The following KIF7 variants were observed in gnomAD, a reference collection of about 807,000 sequenced individuals.
KIF7 encodes the protein kinesin-like protein KIF7.
Under a neutral mutation model 135.7 loss-of-function variants are expected in KIF7, and 104 were observed. That is an observed-to-expected ratio of 0.77 (90% CI 0.65 to 0.90). The LOEUF is 0.90. Among genes scored for constraint, KIF7 ranks in the 40% least tolerant of loss-of-function variants. KIF7 has a pLI of 0.00. For missense variants in KIF7, 2,005 were observed against 1,839.1 expected (o/e 1.09, Z -1.65); for synonymous variants, 883 against 809.4 (o/e 1.09, Z -1.54).
Position 89,633,865 on chromosome 15 carries a change from GCTT to G in KIF7, c.2410_2412del (p.Lys804del), listed in dbSNP as rs774141915. 5.0e-6 allele frequency: 8 copies of G among 1,613,798 alleles called. No individual in the cohort carries two copies. Among genetic ancestry groups the G allele is most frequent in the East Asian group, 4.5e-5 (2 of 44,884 alleles). ...AGTGACACCAGCCGCTCCGTAGCCTGCTTCTTCTCCTTCAGCACCTGGGACCCA... is the reference window on the plus strand; with the variant it reads ...AGTGACACCAGCCGCTCCGTAGCCTGCTTCTCCTTCAGCACCTGGGACCCA... On this transcript the variant is annotated inframe_deletion, in exon 12 of 19. Transcript: ENST00000394412.
At chr15:89,661,808 G>A in the KIF7 span, among the ~76,000 whole-genome samples, 3 of 151,254 alleles carry the variant, frequency 2.0e-5, no homozygotes, top group South Asian at 2.1e-4. Context: ...TGCAACCTCC[G>A]CCTTCTGGTT....
chr15:89,648,578 C>G lies in KIF7; in HGVS notation c.1120G>C (p.Gly374Arg). Residue 374 changes from glycine to arginine, a missense_variant, in exon 5 of 19, where the codon GGT (glycine) becomes CGT (arginine). Transcript: ENST00000394412. ...PPEETASGAR[G>R]PPRHRSETRI... ...GTCTCGGAGCGGTGCCGTGGCGGAC[C>G]CCGCGCGCCGCTCGCCGTCTCTTCG... The G allele has an allele frequency of 6.6e-7, 1 of 1,506,316 alleles. No individual in the cohort carries two copies. Among genetic ancestry groups the G allele is most frequent in the Non-Finnish European group, 8.9e-7 (1 of 1,129,632 alleles). 93.3% of individuals were successfully genotyped at this position (1,506,316 alleles called of 1,614,324 possible).
At position 89,630,267 on chromosome 15, in the gene KIF7, G is replaced by A. The variant is rs747994640; in HGVS notation, c.3318+20C>T. 1.3e-5 allele frequency: 21 copies of A among 1,610,524 alleles called. No homozygotes were observed. Among genetic ancestry groups the A allele is most frequent in the Admixed American group, 3.3e-5 (2 of 59,996 alleles). On this transcript the variant is annotated intron_variant, in intron 16 of 18. Transcript: ENST00000394412. The stretch of plus-strand genomic sequence containing the variant: ...CGTGCCGCTGAGGAGGAGCTGGGGG[G>A]CCATGGGCTGCTGGCCCACCTTGTC...
chr15:89,658,456 G>A (rs1423336963), upstream of KIF7, among the ~76,000 whole-genome samples: 1 of 150,976 alleles, frequency 6.6e-6, no homozygotes, highest in Non-Finnish European at 1.5e-5. Flanking sequence ...CAGAGAGAGA[G>A]AGAGAGAGAG....
rs199959946 is a variant in KIF7 at position 89,649,754 on chromosome 15, C to T, written c.516G>A (p.Glu172=). The stretch of plus-strand genomic sequence containing the variant: ...AGAGTTCCTCACCAACATTCCCGCG[C>T]TCATCTTCCCGGAGCTGGATGTCAC... ...ASRDIQLRED[E]RGNVVLCGVK... Residue 172 remains glutamate (E), a synonymous_variant, in exon 3 of 19, where the codon GAG becomes GAA. Coordinates refer to ENST00000394412, the MANE Select transcript of KIF7 (RefSeq NM_198525.3). 3.3e-4 allele frequency: 514 copies of T among 1,551,778 alleles called. 6 individuals are homozygous for T. The highest frequency in any genetic ancestry group is 7.8e-5 in the Admixed American group (4 of 50,994).
the KIF7 span, among the ~76,000 whole-genome samples, chr15:89,660,973 C>T: frequency 6.6e-6 from 1 of 152,196 alleles, no homozygotes; most frequent in African/African-American, 2.4e-5. Context: ...CCAAGTTCAG[C>T]TGATCTGCAG....
chr15:89,644,959 T>G (rs552433838), intron 10 of KIF7, 54 bp downstream of exon 10: 267 of 1,599,288 alleles, frequency 1.7e-4, no homozygotes, highest in Non-Finnish European at 2.1e-4. Context: ...AGTGCAGAAG[T>G]AACGATGAGA....
chr15:89,623,874 T>C, downstream of KIF7: 1 of 1,613,954 alleles, frequency 6.2e-7, no homozygotes, highest in Non-Finnish European at 8.5e-7. Context: ...GTACCTCTCT[T>C]GAAACGAAGA....
Position 89,634,986 on chromosome 15 carries a change from A to G in KIF7, c.2395-1103T>C, listed in dbSNP as rs192706484. 8.6e-3 allele frequency among the ~76,000 whole-genome samples: 1,307 copies of G among 152,360 alleles called. 17 individuals carry two copies. The highest frequency in any genetic ancestry group is 0.028 in the African/African-American group (1,172 of 41,580). ...AGCACGCAGCTGGAGACCTGAGAAC[A>G]GGCAGACTGCCTCCTCAAGTGGGTT... On this transcript the variant is annotated intron_variant, in intron 11 of 18. Coordinates refer to ENST00000394412, the MANE Select transcript of KIF7 (RefSeq NM_198525.3).
chr15:89,633,635 G>C (rs765702065), intron 12 of KIF7, 51 bp downstream of exon 12: 2 of 1,585,824 alleles, frequency 1.3e-6, no homozygotes, highest in South Asian at 1.1e-5. Context: ...TGGGCCGCCA[G>C]CTCAGCCTAT....
intron 1 of KIF7, among the ~76,000 whole-genome samples, chr15:89,618,863 G>A (rs1484554416): frequency 6.6e-6 from 1 of 152,216 alleles, no homozygotes; most frequent in Non-Finnish European, 1.5e-5. Flanking sequence ...GGAGGCTGAG[G>A]TGAGAGGATC....
At chr15:89,621,457 G>A in intron 1 of KIF7, 1 of 1,614,072 alleles carries the variant, frequency 6.2e-7, no homozygotes, top group Non-Finnish European at 8.5e-7. Flanking sequence ...TTGGGGCAAT[G>A]TCTGAGATGA....
At chr15:89,643,885 GA>G (rs11358124) in intron 10 of KIF7, among the ~76,000 whole-genome samples, 72,297 of 91,548 alleles carry the variant, frequency 0.79, 27,535 homozygotes, top group Non-Finnish European at 0.85. Context: ...CTCCGTCTCA[GA>G]AAAAAAAAAA....
downstream of KIF7, chr15:89,626,981 C>T (rs1963540375): frequency 6.2e-7 from 1 of 1,614,034 alleles, no homozygotes; most frequent in Non-Finnish European, 8.5e-7. Flanking sequence ...TTCTTCCCTC[C>T]ACTGTAGAAG....
chr15:89,623,417 G>T (rs980573723), downstream of KIF7, among the ~76,000 whole-genome samples: 6 of 152,202 alleles, frequency 3.9e-5, no homozygotes, highest in African/African-American at 1.4e-4. Context: ...ACTAAACTTG[G>T]ATAGTGTTTG....
At chr15:89,648,178 T>G in intron 5 of KIF7, 77 bp downstream of exon 5, 4 of 1,380,898 alleles carry the variant, frequency 2.9e-6, no homozygotes, top group Non-Finnish European at 3.8e-6. Flanking sequence ...GCGCAGCTGC[T>G]GTCTGAAGAC....
chr15:89,633,982 G>A, intron 11 of KIF7, 99 bp from the exon 12 acceptor site: 1 of 1,251,880 alleles, frequency 8.0e-7, no homozygotes, highest in Non-Finnish European at 1.2e-6. Flanking sequence ...GAGGGCAAAT[G>A]GGTAGGTGGG....
chr15:89,624,236 A>G (rs764276753), downstream of KIF7: 12 of 1,614,098 alleles, frequency 7.4e-6, no homozygotes, highest in Non-Finnish European at 1.0e-5. Flanking sequence ...GTTACGCCAA[A>G]GAAACTGTTT....
At chr15:89,629,971 G>A in intron 16 of KIF7, 1 of 522,238 alleles carries the variant, frequency 1.9e-6, no homozygotes. Flanking sequence ...CCACCACTGT[G>A]ACAACCAAAA....
Sources: allele counts gnomAD v4.1 joint callset (sites outside exome capture counted in the v4.1 genomes callset), GRCh38; gene constraint gnomAD v4.1.1; transcripts MANE v1.5; gene names NCBI Gene and HGNC (gene_info 2026-07-23, HGNC 2026-07-21).